The following ARHGEF10L variants were observed in gnomAD, a reference collection of about 807,000 sequenced individuals.
The protein encoded by ARHGEF10L is rho guanine nucleotide exchange factor 10-like protein.
In ARHGEF10L, 69 loss-of-function variants were observed where a neutral mutation model predicts 141.2. The ratio of observed to expected loss-of-function variants is 0.49; its 90% CI spans 0.40 to 0.60. The LOEUF is 0.60. Among genes scored for constraint, ARHGEF10L ranks in the 20% least tolerant of loss-of-function variants. The probability of loss-of-function intolerance (pLI) is 0.00; values close to 1 mark genes in which losing one functional copy is unlikely to be tolerated. For synonymous variants in ARHGEF10L, 711 were observed against 718.5 expected (o/e 0.99, Z 0.17); for missense variants, 1,482 against 1,734.3 (o/e 0.85, Z 2.58).
In ARHGEF10L at chr1:17,615,580, G is replaced by C. The variant is rs2059762798; in HGVS notation, c.727-514G>C. The C allele has an allele frequency of 6.5e-6, 1 of 153,044 alleles. No individual in the cohort carries two copies. Among genetic ancestry groups the C allele is most frequent in the South Asian group, 2.1e-4 (1 of 4,862 alleles). The allele number at this position is 153,044 out of a possible 1,614,324, so 9.5% of individuals were successfully genotyped here. ...TGGGGGTGTGCACACACCTCCTTTA[G>C]TTGCTCCTAAGGTCATGTTCAACAT... On this transcript the variant is annotated intron_variant, in intron 8 of 28. Coordinates refer to ENST00000361221, the MANE Select transcript of ARHGEF10L (RefSeq NM_018125.4). The surrounding 1 kb of genome is among the most constrained non-coding windows in gnomAD (Gnocchi z 4.7).
chr1:17,639,772 G>A lies in ARHGEF10L; in HGVS notation c.2172-430G>A, dbSNP rs2061225864. 1 of 1,073,688 alleles carries A rather than the reference G, an allele frequency of 9.3e-7. No individual in the cohort carries two copies. Among genetic ancestry groups the A allele is most frequent in the Non-Finnish European group, 1.3e-6 (1 of 789,900 alleles). The allele number at this position is 1,073,688 out of a possible 1,614,324, so 66.5% of individuals were successfully genotyped here. A position where few individuals can be genotyped will look rare whatever the true frequency, so the allele number is the denominator to read the frequency against. On this transcript the variant is annotated intron_variant, in intron 20 of 28. Transcript: ENST00000361221. The surrounding 1 kb of genome is among the most constrained non-coding windows in gnomAD (Gnocchi z 4.3). ...TGTCCACTCAGCAAACATTTACTGA[G>A]CAACTGTCCCATGCCAGGTGCTGGG... is the stretch of plus-strand genomic sequence containing the variant.
chr1:17,675,364 T>C (rs2063582024), intron 26 of ARHGEF10L, among the ~76,000 whole-genome samples: 1 of 152,156 alleles, frequency 6.6e-6, no homozygotes, highest in Non-Finnish European at 1.5e-5. Flanking sequence ...AGCCTCAAGA[T>C]GTTGGTGATG....
chr1:17,536,133 G>C (rs1305176850), upstream of ARHGEF10L, among the ~76,000 whole-genome samples: 1 of 152,210 alleles, frequency 6.6e-6, no homozygotes, highest in Admixed American at 6.5e-5. Context: ...TTCCAGCCGA[G>C]GGCAAAGGCT....
At chr1:17,567,454 C>T (rs559143707) in intron 1 of ARHGEF10L, among the ~76,000 whole-genome samples, 1 of 152,286 alleles carries the variant, frequency 6.6e-6, no homozygotes, top group Admixed American at 6.5e-5. Context: ...GTAATCTTCG[C>T]CTCCCAGGTT....
chr1:17,571,086 G>A (rs1479832000), intron 1 of ARHGEF10L, among the ~76,000 whole-genome samples: 2 of 152,162 alleles, frequency 1.3e-5, no homozygotes, highest in Non-Finnish European at 2.9e-5. Flanking sequence ...CAGGCTGGAG[G>A]CATCACTATG....
chr1:17,587,455 TC>T lies in ARHGEF10L; in HGVS notation c.38-3del. 1 of 1,611,354 alleles carries T rather than the reference TC, an allele frequency of 6.2e-7. No homozygotes were observed. Among genetic ancestry groups the T allele is most frequent in the Non-Finnish European group, 8.5e-7 (1 of 1,178,782 alleles). ...GCAGCCTGGCCAACTCCTTCTCTCT[TC>T]CAGGAGATCAGCTGGTTCCAGGAGT... On this transcript the variant is annotated splice_region_variant and splice_polypyrimidine_tract_variant and intron_variant, in intron 2 of 28. Coordinates refer to ENST00000361221, the MANE Select transcript of ARHGEF10L (RefSeq NM_018125.4).
Position 17,623,300 on chromosome 1 carries a change from G to A in ARHGEF10L, c.1200+125G>A. 8 of 1,171,870 alleles carry A rather than the reference G, an allele frequency of 6.8e-6. No homozygotes were observed. The highest frequency in any genetic ancestry group is 9.5e-6 in the Non-Finnish European group (8 of 837,820). 72.6% of individuals were successfully genotyped at this position (1,171,870 alleles called of 1,614,324 possible). A position where few individuals can be genotyped will look rare whatever the true frequency, so the allele number is the denominator to read the frequency against. ...CCTTGTTCAAGTCAGTGGGATTAGA[G>A]GGTGGCAGGGTCTTCTGGGCCTGAT... On this transcript the variant is annotated intron_variant, in intron 12 of 28. Coordinates refer to ENST00000361221, the MANE Select transcript of ARHGEF10L (RefSeq NM_018125.4). The surrounding 1 kb of genome is among the most constrained non-coding windows in gnomAD (Gnocchi z 4.7).
At chr1:17,618,180 G>A (rs2059910227) in intron 9 of ARHGEF10L, 2 of 695,246 alleles carry the variant, frequency 2.9e-6, no homozygotes, top group Non-Finnish European at 2.3e-6. Context: ...ACAGGATAAC[G>A]TGGCCAGGCC....
At chr1:17,669,069 G>T (rs1259500810) in intron 26 of ARHGEF10L, among the ~76,000 whole-genome samples, 1 of 152,202 alleles carries the variant, frequency 6.6e-6, no homozygotes, top group Non-Finnish European at 1.5e-5. Context: ...GCTGTGCCTC[G>T]CGTGTGATGT....
intron 26 of ARHGEF10L, among the ~76,000 whole-genome samples, chr1:17,678,436 T>C (rs927025337): frequency 1.1e-3 from 172 of 149,928 alleles, no homozygotes; most frequent in Middle Eastern, 3.4e-3. Flanking sequence ...TTTTTTTTTT[T>C]GAGATGGAGT....
chr1:17,592,290 C>T (rs1027316099), intron 4 of ARHGEF10L, among the ~76,000 whole-genome samples: 1 of 152,208 alleles, frequency 6.6e-6, no homozygotes, highest in East Asian at 1.9e-4. Context: ...CTTTATCCCC[C>T]TGTGACCTCA....
At chr1:17,514,581 G>T in the ARHGEF10L span, among the ~76,000 whole-genome samples, 1 of 152,200 alleles carries the variant, frequency 6.6e-6, no homozygotes, top group Non-Finnish European at 1.5e-5. Flanking sequence ...GGTTGTTTGG[G>T]ATTGGGCAAG....
intron 6 of ARHGEF10L, chr1:17,604,593 C>T (rs1264387861): frequency 6.6e-6 from 1 of 152,386 alleles, no homozygotes; most frequent in African/African-American, 2.4e-5. Context: ...ACACAGACAA[C>T]ACGGCAAGGC....
At chr1:17,618,582 C>T in intron 9 of ARHGEF10L, 1 of 1,219,070 alleles carries the variant, frequency 8.2e-7, no homozygotes, top group Non-Finnish European at 1.1e-6. Flanking sequence ...GCCGCTTCTT[C>T]TTTCCTCCCC....
At chr1:17,611,252 C>G (rs2059533982) in intron 7 of ARHGEF10L, among the ~76,000 whole-genome samples, 1 of 152,208 alleles carries the variant, frequency 6.6e-6, no homozygotes, top group Admixed American at 6.5e-5. Flanking sequence ...TATGGATGAA[C>G]AGGACTCAGG....
Position 17,623,015 on chromosome 1 carries a change from T to C in ARHGEF10L, c.1040T>C (p.Met347Thr). 6.2e-7 allele frequency: 1 copy of C among 1,613,250 alleles called. No individual in the cohort carries two copies. Residue 347 changes from methionine (M) to threonine (T), a missense_variant, in exon 12 of 29, where the codon ATG becomes ACG. By Grantham distance (81) the Met-to-Thr change is moderately conservative (BLOSUM62 -1). This residue lies in a region of ARHGEF10L where 392 missense variants were observed against 542.1 expected (regional missense o/e 0.72). Transcript: ENST00000361221. This position sits in a 1 kb window ranked among gnomAD's most constrained non-coding sequence, Gnocchi z 4.7. ...RILQDYRNPL[M>T]EMEPKALSAR... ...CGGCAGGACTACCGCAACCCCCTGATGGAGATGGAGCCCAAGGCGCTGAGC... is the reference window on the plus strand; with the variant it reads ...CGGCAGGACTACCGCAACCCCCTGACGGAGATGGAGCCCAAGGCGCTGAGC...
At chr1:17,631,148 G>A (rs1024971637) in intron 15 of ARHGEF10L, among the ~76,000 whole-genome samples, 2 of 152,062 alleles carry the variant, frequency 1.3e-5, no homozygotes, top group Admixed American at 6.5e-5. Context: ...TTTATGTCCC[G>A]GGGAGGCTCG....
At chr1:17,666,428 T>C (rs1186014346) in intron 26 of ARHGEF10L, among the ~76,000 whole-genome samples, 2 of 152,046 alleles carry the variant, frequency 1.3e-5, no homozygotes, top group East Asian at 3.9e-4. Context: ...GCTTTTGCTC[T>C]TTTGAGGAGC....
chr1:17,584,694 A>T (rs2078875707), intron 2 of ARHGEF10L, among the ~76,000 whole-genome samples: 1 of 152,192 alleles, frequency 6.6e-6, no homozygotes, highest in South Asian at 2.1e-4. Flanking sequence ...GCAGGAGAAG[A>T]TACTCGAAGG....
Sources: gnomAD v4.1 joint callset for allele counts (sites outside exome capture counted in the v4.1 genomes callset) on GRCh38, gnomAD v4.1.1 for gene constraint, gnomAD v4.1.1 regional missense constraint, Gnocchi (gnomAD v3.1) non-coding constraint, MANE v1.5 for transcripts, NCBI Gene and HGNC (gene_info 2026-07-23, HGNC 2026-07-21) for gene names.